Variants in LGR4 observed in about 807,000 individuals in gnomAD.
The protein encoded by LGR4 is leucine-rich repeat-containing G protein-coupled receptor 4.
In LGR4, 44 loss-of-function variants were observed where a neutral mutation model predicts 84.8. The observed-to-expected ratio is 0.52, with a 90% CI of 0.41 to 0.67. The LOEUF is 0.67. LGR4 is among the 30% of genes least tolerant of loss of function. The pLI, the probability that LGR4 is intolerant of heterozygous loss-of-function variation, is 0.00. For missense variants in LGR4, 1,032 were observed against 1,131.4 expected, an observed-to-expected ratio of 0.91 and a Z score of 1.26; for synonymous variants, 429 against 434.3, an observed-to-expected ratio of 0.99 and a Z score of 0.15.
Position 27,432,126 on chromosome 11 carries a change from A to G in LGR4, c.186-19266T>C, listed in dbSNP as rs147021905. On this transcript the variant is annotated intron_variant, in intron 1 of 17. Transcript: ENST00000379214. The stretch of plus-strand genomic sequence containing the variant: ...TAGCAGAGCATTGCCACTCACTCCT[A>G]GGCAAGGAATAAAAAGGCATTCCAC... 1.3e-3 allele frequency among the ~76,000 whole-genome samples: 193 copies of G among 152,242 alleles called. 2 individuals carry two copies. The highest frequency in any genetic ancestry group is 3.4e-3 in the Middle Eastern group (1 of 294).
At position 27,366,032 on chromosome 11, in the gene LGR4, A is replaced by T. The variant is rs967075231; in HGVS notation, c.*1835T>A. 5 of 152,542 alleles carry T rather than the reference A, an allele frequency of 3.3e-5. No homozygotes were observed. The highest frequency in any genetic ancestry group is 1.2e-4 in the African/African-American group (5 of 41,466). The allele number at this position is 152,542 out of a possible 1,614,324, so 9.4% of individuals were successfully genotyped here. ...GTATTTCATACCATATAGCACAAAG[A>T]TTAACACTTTTATATATCTGTTATT... On this transcript the variant is annotated 3_prime_UTR_variant, in exon 18 of 18. Coordinates refer to ENST00000379214, the MANE Select transcript of LGR4 (RefSeq NM_018490.5).
Position 27,370,763 on chromosome 11 carries a change from T to TGAAC in LGR4, c.1579+851_1579+852insGTTC, listed in dbSNP as rs1343050206. On this transcript the variant is annotated intron_variant, in intron 17 of 17. Transcript: ENST00000379214. ...TGTTCCCTTCTCATTGGATCATCAGTTCTTTATGTACATTCTCTGGCACAT... is the reference window on the plus strand; with the variant it reads ...TGTTCCCTTCTCATTGGATCATCAGTGAACTCTTTATGTACATTCTCTGGCACAT... 2.0e-5 allele frequency among the ~76,000 whole-genome samples: 3 copies of TGAAC among 152,294 alleles called. No individual in the cohort carries two copies. The East Asian group carries it at 5.8e-4, about 29-fold the overall frequency.
intron 1 of LGR4, among the ~76,000 whole-genome samples, chr11:27,434,382 A>C (rs1447615852): frequency 1.3e-5 from 2 of 152,236 alleles, no homozygotes; most frequent in African/African-American, 4.8e-5. Flanking sequence ...AAAGGAACTA[A>C]TAATTCCAAA....
intron 1 of LGR4, among the ~76,000 whole-genome samples, chr11:27,470,146 T>C (rs772755440): frequency 6.6e-6 from 1 of 152,198 alleles, no homozygotes; most frequent in Non-Finnish European, 1.5e-5. Context: ...CAGAAAGTGC[T>C]AAGATAATGC....
chr11:27,424,892 C>A (rs1863993395), intron 1 of LGR4, among the ~76,000 whole-genome samples: 1 of 152,126 alleles, frequency 6.6e-6, no homozygotes. Context: ...GGATTATAGG[C>A]ACGTGCCACC....
chr11:27,434,160 T>A (rs1408797819), intron 1 of LGR4, among the ~76,000 whole-genome samples: 2 of 152,092 alleles, frequency 1.3e-5, no homozygotes, highest in African/African-American at 4.8e-5. Context: ...AAACTTCACA[T>A]ATTCAGCCTC....
intron 1 of LGR4, among the ~76,000 whole-genome samples, chr11:27,437,509 T>C (rs1424085521): frequency 6.6e-6 from 1 of 152,186 alleles, no homozygotes; most frequent in Non-Finnish European, 1.5e-5. Flanking sequence ...AAGGAGTGAC[T>C]ATTTTTATTG....
At chr11:27,428,673 A>T (rs1234104021) in intron 1 of LGR4, among the ~76,000 whole-genome samples, 6 of 152,250 alleles carry the variant, frequency 3.9e-5, no homozygotes, top group Admixed American at 1.3e-4. Context: ...CCTGAGGGGC[A>T]GAACCAGTAG....
chr11:27,403,199 G>A (rs1239109765), intron 2 of LGR4, among the ~76,000 whole-genome samples: 3 of 152,186 alleles, frequency 2.0e-5, no homozygotes, highest in African/African-American at 4.8e-5. Flanking sequence ...AGCTGGGTGC[G>A]ATGGCTCATG....
chr11:27,368,874 C>T lies in LGR4; in HGVS notation c.1849G>A (p.Gly617Ser), dbSNP rs1290519959. The part of the protein sequence containing the change: ...EFGIWWETGS[G>S]CKVAGFLAVF... ...GCAAGAAACCCAGCTACTTTGCAGC[C>T]ACTGCCAGTTTCCCACCAAATGCCA... is the stretch of plus-strand genomic sequence containing the variant. Residue 617 changes from glycine (G) to serine (S), a missense_variant, in exon 18 of 18, where the codon GGC becomes AGC. Gly to Ser is a moderately conservative substitution (Grantham distance 56). Transcript: ENST00000379214. The T allele has an allele frequency of 1.2e-6, 2 of 1,614,024 alleles. No individual in the cohort carries two copies. The highest frequency in any genetic ancestry group is 2.7e-5 in the African/African-American group (2 of 74,902).
intron 1 of LGR4, among the ~76,000 whole-genome samples, chr11:27,469,817 G>A (rs1864839411): frequency 6.6e-6 from 1 of 152,200 alleles, no homozygotes; most frequent in African/African-American, 2.4e-5. Context: ...GCTGCGATGG[G>A]AGAGCAGACT....
chr11:27,463,835 T>C (rs1261329602), intron 1 of LGR4, among the ~76,000 whole-genome samples: 3 of 152,200 alleles, frequency 2.0e-5, no homozygotes, highest in Admixed American at 6.5e-5. Context: ...ATTTGAAATG[T>C]ATTAAATTCA....
chr11:27,454,159 TC>T (rs2133447612), intron 1 of LGR4, among the ~76,000 whole-genome samples: 1 of 152,286 alleles, frequency 6.6e-6, no homozygotes, highest in East Asian at 1.9e-4. Flanking sequence ...CAATTGCCAA[TC>T]CGAAAATTTT....
At chr11:27,376,434 G>A (rs1862982988) in intron 12 of LGR4, 64 bp from the exon 13 acceptor site, 5 of 816,946 alleles carry the variant, frequency 6.1e-6, no homozygotes, top group Admixed American at 2.5e-5. Flanking sequence ...AGGAGGAGGA[G>A]GAAAGAGAAA....
Position 27,368,765 on chromosome 11 carries a change from T to A in LGR4, c.1958A>T (p.Asn653Ile), listed in dbSNP as rs747349225. 3.1e-6 allele frequency: 5 copies of A among 1,613,812 alleles called. No individual in the cohort carries two copies. The highest frequency in any genetic ancestry group is 3.4e-6 in the Non-Finnish European group (4 of 1,179,944). The change falls in exon 18 of 18, where the codon AAT (asparagine) becomes ATT (isoleucine). Residue 653 changes from asparagine (N) to isoleucine (I), a missense_variant. By Grantham distance (149) the Asn-to-Ile change is moderately radical. Transcript: ENST00000379214. ...RSLSAKDIMKNGKSNHLKQFR... is the reference protein window; with the variant it reads ...RSLSAKDIMKIGKSNHLKQFR... ...CTGTTTGAGATGATTGCTCTTCCCA[T>A]TTTTCATTATATCTTTTGCAGATAA...
chr11:27,396,055 C>A (rs1863386200), intron 2 of LGR4, among the ~76,000 whole-genome samples: 1 of 152,146 alleles, frequency 6.6e-6, no homozygotes, highest in Non-Finnish European at 1.5e-5. Flanking sequence ...TCATTTTAAT[C>A]ATCTCAAGAC....
intron 1 of LGR4, among the ~76,000 whole-genome samples, chr11:27,460,014 C>T (rs1461478640): frequency 6.6e-6 from 1 of 152,076 alleles, no homozygotes; most frequent in Non-Finnish European, 1.5e-5. Flanking sequence ...TCACTTGAAC[C>T]GGGAAGCGGA....
At chr11:27,402,811 A>G (rs1303865258) in intron 2 of LGR4, among the ~76,000 whole-genome samples, 1 of 152,050 alleles carries the variant, frequency 6.6e-6, no homozygotes, top group Non-Finnish European at 1.5e-5. Flanking sequence ...TCCCTACTTC[A>G]TCCTATCTAC....
chr11:27,396,660 C>T (rs1489796341), intron 2 of LGR4, among the ~76,000 whole-genome samples: 1 of 152,180 alleles, frequency 6.6e-6, no homozygotes, highest in Non-Finnish European at 1.5e-5. Flanking sequence ...CACTTCTGTG[C>T]TATAGCCAAC....
Sources: allele counts gnomAD v4.1 joint callset (sites outside exome capture counted in the v4.1 genomes callset), GRCh38; gene constraint gnomAD v4.1.1; transcripts MANE v1.5; gene names NCBI Gene and HGNC (gene_info 2026-07-23, HGNC 2026-07-21).